Variants in SMG7 observed in about 807,000 individuals in gnomAD.
The protein encoded by SMG7 is SMG7 nonsense mediated mRNA decay factor, also known as nonsense-mediated mRNA decay factor SMG7.
A neutral mutation model predicts 148.2 loss-of-function variants in SMG7; 34 were observed. The observed-to-expected ratio is 0.23, with a 90% confidence interval of 0.17 to 0.31. The LOEUF (loss-of-function observed/expected upper bound fraction) is 0.31, where lower values mean the gene tolerates loss of function less well. SMG7 is among the 10% of genes least tolerant of loss of function. SMG7 has a pLI of 1.00. For synonymous variants in SMG7, 492 were observed against 515.1 expected, an observed-to-expected ratio of 0.96 and a Z score of 0.61; for missense variants, 1,114 against 1,408.4, an observed-to-expected ratio of 0.79 and a Z score of 3.35.
chr1:183,498,614 C>A (rs1475367394), intron 1 of SMG7, among the ~76,000 whole-genome samples: 1 of 152,196 alleles, frequency 6.6e-6, no homozygotes, highest in Non-Finnish European at 1.5e-5. Context: ...TTTAAAGCAG[C>A]TTTAGGTTTA....
chr1:183,543,519 T>C (rs1213200796), intron 14 of SMG7, among the ~76,000 whole-genome samples: 1 of 151,602 alleles, frequency 6.6e-6, no homozygotes, highest in African/African-American at 2.4e-5. Context: ...AGCCAAAGGA[T>C]CCGAGTTTTA....
intron 1 of SMG7, among the ~76,000 whole-genome samples, chr1:183,493,916 T>G (rs1365082958): frequency 1.3e-5 from 2 of 152,208 alleles, no homozygotes; most frequent in Non-Finnish European, 2.9e-5. Flanking sequence ...TGTTAGTTAT[T>G]GAGAGAGTTT....
rs371221450 is a variant in SMG7, at chr1:183,479,425, C to G, written c.29+6776C>G. ...AATGTCCACACATTGCCAGATGTCC[C>G]CTGGATTGTAAATTCACCCCCAGTT... On this transcript the variant is annotated intron_variant, in intron 1 of 22. Transcript: ENST00000688051. Among the ~76,000 whole-genome samples the G allele has an allele frequency of 2.6e-5, 4 of 152,180 alleles. 1 individual carries two copies. The highest frequency in any genetic ancestry group is 9.6e-5 in the African/African-American group (4 of 41,528).
At chr1:183,542,973 T>A (rs958626157) in intron 14 of SMG7, among the ~76,000 whole-genome samples, 1 of 141,722 alleles carries the variant, frequency 7.1e-6, no homozygotes, top group African/African-American at 2.7e-5. Context: ...GTGTGTGTAT[T>A]TTTTTTCTTG....
At chr1:183,524,527 AT>A in intron 4 of SMG7, among the ~76,000 whole-genome samples, 1 of 152,272 alleles carries the variant, frequency 6.6e-6, no homozygotes. Flanking sequence ...CGCAGAATTT[AT>A]ATTTAGTTAT....
chr1:183,537,811 C>T (rs993745453), intron 11 of SMG7, among the ~76,000 whole-genome samples: 3 of 152,172 alleles, frequency 2.0e-5, no homozygotes, highest in East Asian at 1.9e-4. Flanking sequence ...AATCTATTTA[C>T]GCACTTTCTG....
chr1:183,472,870 T>C, intron 1 of SMG7: 1 of 401,502 alleles, frequency 2.5e-6, no homozygotes, highest in Admixed American at 4.4e-5. Flanking sequence ...AGCCGGCTCG[T>C]CCCGGTGCGA....
At chr1:183,541,542 G>A (rs796885975) in intron 13 of SMG7, among the ~76,000 whole-genome samples, 12 of 152,182 alleles carry the variant, frequency 7.9e-5, no homozygotes, top group African/African-American at 2.9e-4. Context: ...AAGAACGCAG[G>A]TTTTGTAATT....
chr1:183,502,131 CTT>C, intron 1 of SMG7: 1 of 583,756 alleles, frequency 1.7e-6, no homozygotes, highest in Non-Finnish European at 2.6e-6. Context: ...AAGAAAAAGG[CTT>C]TGACATTTTT....
At chr1:183,472,743 G>A (rs1232198609) in intron 1 of SMG7, 94 bp downstream of exon 1, 2 of 1,141,940 alleles carry the variant, frequency 1.8e-6, no homozygotes, top group Non-Finnish European at 2.3e-6. Flanking sequence ...GGTGGCGGGG[G>A]AGTTGCTGCG....
intron 17 of SMG7, 30 bp downstream of exon 17, chr1:183,546,367 T>A: frequency 6.3e-7 from 1 of 1,583,394 alleles, no homozygotes; most frequent in African/African-American, 1.4e-5. Context: ...ACCAGGCAAT[T>A]TGGAGATAGG....
chr1:183,491,877 C>T (rs1419867760), intron 1 of SMG7, among the ~76,000 whole-genome samples: 2 of 152,160 alleles, frequency 1.3e-5, no homozygotes, highest in Non-Finnish European at 2.9e-5. Context: ...AAGATGGCAC[C>T]TTGTTGCTGC....
At chr1:183,509,338 A>G (rs978402317) in intron 1 of SMG7, among the ~76,000 whole-genome samples, 8 of 152,234 alleles carry the variant, frequency 5.3e-5, no homozygotes, top group African/African-American at 1.9e-4. Flanking sequence ...GAATGTTCCT[A>G]GATAAGCCAA....
intron 2 of SMG7, 60 bp from the exon 3 acceptor site, chr1:183,515,814 A>G: frequency 1.9e-6 from 2 of 1,026,876 alleles, no homozygotes; most frequent in Non-Finnish European, 3.0e-6. Context: ...GGTGTGGTAT[A>G]ATGGTTTTAA....
At chr1:183,477,598 GTATA>G (rs1328147813) in intron 1 of SMG7, among the ~76,000 whole-genome samples, 68 of 126,720 alleles carry the variant, frequency 5.4e-4, no homozygotes, top group African/African-American at 2.0e-3. Context: ...GTGCATATGT[GTATA>G]TATGCATATA....
intron 14 of SMG7, among the ~76,000 whole-genome samples, chr1:183,542,923 A>ATGTGTG (rs1418302270): frequency 2.1e-5 from 2 of 96,662 alleles, no homozygotes; most frequent in Non-Finnish European, 4.2e-5. Flanking sequence ...TATAATATAT[A>ATGTGTG]TATATGTGTG....
intron 1 of SMG7, among the ~76,000 whole-genome samples, chr1:183,507,822 C>T (rs1661266190): frequency 6.6e-6 from 1 of 152,130 alleles, no homozygotes; most frequent in Non-Finnish European, 1.5e-5. Context: ...TATTAGCTTT[C>T]AACATAGTTG....
chr1:183,539,949 T>C (rs980500838), intron 12 of SMG7, among the ~76,000 whole-genome samples: 1 of 152,320 alleles, frequency 6.6e-6, no homozygotes, highest in Admixed American at 6.5e-5. Flanking sequence ...ATGACTAATA[T>C]TTTTATTTAC....
chr1:183,474,463 C>T (rs1557929514), intron 1 of SMG7, among the ~76,000 whole-genome samples: 4 of 152,182 alleles, frequency 2.6e-5, no homozygotes, highest in Admixed American at 1.3e-4. Context: ...ACTCGGGAGG[C>T]TGAGGCAGGA....
Sources: gnomAD v4.1 joint callset for allele counts (sites outside exome capture counted in the v4.1 genomes callset) on GRCh38, gnomAD v4.1.1 for gene constraint, MANE v1.5 for transcripts, NCBI Gene and HGNC (gene_info 2026-07-23, HGNC 2026-07-21) for gene names.